The following FGF14 variants were observed in gnomAD, a reference collection of about 807,000 sequenced individuals.
The protein encoded by FGF14 is fibroblast growth factor homologous factor 4.
Under a neutral mutation model 25.5 loss-of-function variants are expected in FGF14, and 5 were observed. The observed-to-expected ratio is 0.20, with a 90% confidence interval of 0.10 to 0.41. The LOEUF (loss-of-function observed/expected upper bound fraction) is 0.41, where lower values mean the gene tolerates loss of function less well. Ranked by LOEUF, FGF14 falls within the 10% of genes least tolerant of loss-of-function variation. FGF14 has a pLI of 1.00. For missense variants in FGF14, 222 were observed against 320.1 expected (o/e 0.69, Z 2.34); for synonymous variants, 138 against 118.3 (o/e 1.17, Z -1.08).
chr13:102,064,743 C>A (rs1006173853), intron 1 of FGF14, among the ~76,000 whole-genome samples: 1 of 151,662 alleles, frequency 6.6e-6, no homozygotes, highest in African/African-American at 2.4e-5. Context: ...AAGTAAAAAA[C>A]AATAAAGTAT....
intron 3 of FGF14, among the ~76,000 whole-genome samples, chr13:101,813,165 C>A (rs188359807): frequency 1.8e-4 from 28 of 152,172 alleles, no homozygotes; most frequent in African/African-American, 5.8e-4. Context: ...CCCAAAGAAC[C>A]CTTACCTGCA....
At chr13:101,754,175 C>T (rs1460896848) in intron 3 of FGF14, among the ~76,000 whole-genome samples, 1 of 152,144 alleles carries the variant, frequency 6.6e-6, no homozygotes, top group East Asian at 1.9e-4. Flanking sequence ...CCCTGAAGCT[C>T]CTCAGCTGCT....
chr13:102,186,834 C>T (rs1161941593), intron 1 of FGF14, among the ~76,000 whole-genome samples: 1 of 152,144 alleles, frequency 6.6e-6, no homozygotes, highest in Non-Finnish European at 1.5e-5. Flanking sequence ...ACTTGAGTTA[C>T]ATAAATAGTG....
At chr13:101,915,422 GTAAA>G (rs988112201) in intron 1 of FGF14, among the ~76,000 whole-genome samples, 1 of 152,148 alleles carries the variant, frequency 6.6e-6, no homozygotes, top group African/African-American at 2.4e-5. Flanking sequence ...TCCCATTAAC[GTAAA>G]TAGATTCTTC....
Position 102,168,353 on chromosome 13 carries a change from G to GT in FGF14, c.208+233117dup, listed in dbSNP as rs547078852. Among the ~76,000 whole-genome samples, 440 of 152,072 alleles carry GT rather than the reference G, an allele frequency of 2.9e-3. 2 individuals carry two copies. The highest frequency in any genetic ancestry group is 1.0e-2 in the African/African-American group (414 of 41,498). ...CCACCATCCCTGGCTAATTTTTGTAGTTTTTTGTAGAGATGGGGTTTCTCC... is the reference window on the plus strand; with the variant it reads ...CCACCATCCCTGGCTAATTTTTGTAGTTTTTTTGTAGAGATGGGGTTTCTCC... On this transcript the variant is annotated intron_variant, in intron 1 of 4. Coordinates refer to the FGF14 transcript ENST00000376131.
At chr13:102,365,281 C>T (rs1183181436) in intron 1 of FGF14, among the ~76,000 whole-genome samples, 1 of 151,972 alleles carries the variant, frequency 6.6e-6, no homozygotes, top group Non-Finnish European at 1.5e-5. Flanking sequence ...CAGCATGGAT[C>T]CTAGAGGGCC....
At chr13:102,028,433 A>G (rs919652161) in intron 1 of FGF14, among the ~76,000 whole-genome samples, 2 of 152,202 alleles carry the variant, frequency 1.3e-5, no homozygotes, top group East Asian at 3.9e-4. Context: ...GGCATCAAAT[A>G]TGCTGGCATC....
chr13:102,245,811 T>G (rs2051836042), intron 1 of FGF14, among the ~76,000 whole-genome samples: 1 of 152,060 alleles, frequency 6.6e-6, no homozygotes, highest in South Asian at 2.1e-4. Context: ...TCATTTGATA[T>G]TTAAAATTTA....
chr13:101,788,963 G>C (rs11842686), intron 3 of FGF14, among the ~76,000 whole-genome samples: 8,267 of 45,158 alleles, frequency 0.18, 268 homozygotes, highest in East Asian at 0.46. Context: ...GAGAGAGAGA[G>C]AGAGAGACAG....
chr13:102,184,674 A>C (rs906596824), intron 1 of FGF14, among the ~76,000 whole-genome samples: 3 of 152,190 alleles, frequency 2.0e-5, no homozygotes, highest in African/African-American at 7.2e-5. Flanking sequence ...TATCAAATGA[A>C]AGAAATTAAC....
chr13:102,181,097 T>C (rs1039317714), intron 1 of FGF14, among the ~76,000 whole-genome samples: 1 of 152,198 alleles, frequency 6.6e-6, no homozygotes, highest in Non-Finnish European at 1.5e-5. Flanking sequence ...CGACCCATCA[T>C]TGAGAATAAT....
At chr13:102,134,748 G>A (rs895959986) in intron 1 of FGF14, among the ~76,000 whole-genome samples, 2 of 152,104 alleles carry the variant, frequency 1.3e-5, no homozygotes, top group African/African-American at 2.4e-5. Flanking sequence ...TTGAGTATTT[G>A]TTCGTTATCA....
chr13:101,781,156 C>T (rs540686944), intron 3 of FGF14, among the ~76,000 whole-genome samples: 40 of 151,876 alleles, frequency 2.6e-4, no homozygotes, highest in African/African-American at 8.0e-4. Context: ...CTCTCTCACT[C>T]ACTCATTTCA....
At chr13:102,019,748 A>G (rs2040536089) in intron 1 of FGF14, among the ~76,000 whole-genome samples, 6 of 152,178 alleles carry the variant, frequency 3.9e-5, no homozygotes, top group Admixed American at 3.9e-4. Context: ...TGTACTGAAG[A>G]TATGTTCCAT....
intron 1 of FGF14, among the ~76,000 whole-genome samples, chr13:102,111,289 C>T (rs1471994560): frequency 2.0e-5 from 3 of 152,228 alleles, no homozygotes; most frequent in Non-Finnish European, 2.9e-5. Flanking sequence ...AAAGCAAGAA[C>T]TCTTTTATAT....
At chr13:102,203,145 T>C (rs554705275) in intron 1 of FGF14, among the ~76,000 whole-genome samples, 16 of 152,342 alleles carry the variant, frequency 1.1e-4, no homozygotes, top group African/African-American at 2.6e-4. Context: ...TTACAGCATG[T>C]GTTTTCCTTT....
At chr13:101,946,256 A>T (rs558365269) in intron 1 of FGF14, among the ~76,000 whole-genome samples, 23 of 151,086 alleles carry the variant, frequency 1.5e-4, no homozygotes, top group East Asian at 7.9e-4. Flanking sequence ...GTTTCCACAG[A>T]TCTGCAGTCC....
At chr13:102,147,999 C>T (rs1464990739) in intron 1 of FGF14, among the ~76,000 whole-genome samples, 1 of 152,072 alleles carries the variant, frequency 6.6e-6, no homozygotes, top group Non-Finnish European at 1.5e-5. Flanking sequence ...TTTCCCATAC[C>T]TGGAAGGTAT....
chr13:102,010,712 G>C (rs551283074), intron 1 of FGF14, among the ~76,000 whole-genome samples: 1 of 152,076 alleles, frequency 6.6e-6, no homozygotes, highest in Non-Finnish European at 1.5e-5. Context: ...CAGCTTTCTC[G>C]TCTGTGAAAT....
Sources: gnomAD v4.1 joint callset for allele counts (sites outside exome capture counted in the v4.1 genomes callset) on GRCh38, gnomAD v4.1.1 for gene constraint, MANE v1.5 for transcripts, NCBI Gene and HGNC (gene_info 2026-07-23, HGNC 2026-07-21) for gene names.